NMNAT2: variants seen among roughly 807,000 people sequenced by gnomAD.
The protein encoded by NMNAT2 is nicotinamide/nicotinic acid mononucleotide adenylyltransferase 2.
Under a neutral mutation model 41.6 loss-of-function variants are expected in NMNAT2, and 11 were observed. The observed-to-expected ratio is 0.26, with a 90% CI of 0.17 to 0.44. NMNAT2 has a LOEUF of 0.44. NMNAT2 is among the 20% of genes least tolerant of loss of function. The probability of loss-of-function intolerance (pLI) is 1.00; values close to 1 mark genes in which losing one functional copy is unlikely to be tolerated. For synonymous variants in NMNAT2, 148 were observed against 151.2 expected, an observed-to-expected ratio of 0.98 and a Z score of 0.16; for missense variants, 288 against 407.7, an observed-to-expected ratio of 0.71 and a Z score of 2.53.
chr1:183,297,383 CTTTTTT>C (rs66514054), intron 1 of NMNAT2, among the ~76,000 whole-genome samples: 1 of 143,448 alleles, frequency 7.0e-6, no homozygotes. Context: ...GGAAGGAACC[CTTTTTT>C]TTTTTTTTTT....
chr1:183,307,681 G>A (rs113689136), intron 1 of NMNAT2, among the ~76,000 whole-genome samples: 1 of 152,212 alleles, frequency 6.6e-6, no homozygotes, highest in Admixed American at 6.5e-5. Context: ...GACCTCAGGT[G>A]ATCTGCCCAC....
chr1:183,276,226 T>C (rs1219699862), intron 8 of NMNAT2, among the ~76,000 whole-genome samples: 2 of 152,128 alleles, frequency 1.3e-5, no homozygotes, highest in Non-Finnish European at 2.9e-5. Context: ...ACTTGCCAAG[T>C]AGTCAAGTGG....
chr1:183,294,532 C>T (rs939146863), intron 1 of NMNAT2, among the ~76,000 whole-genome samples: 5 of 152,200 alleles, frequency 3.3e-5, no homozygotes, highest in African/African-American at 9.7e-5. Context: ...GTGGCTCACA[C>T]CTGTAATCCC....
At chr1:183,411,007 C>T (rs917421087) in intron 1 of NMNAT2, among the ~76,000 whole-genome samples, 1 of 152,090 alleles carries the variant, frequency 6.6e-6, no homozygotes, top group Admixed American at 6.6e-5. Flanking sequence ...TGTGAGCCAC[C>T]ACGCCCAGCC....
At chr1:183,281,376 A>G (rs1354531360) in intron 7 of NMNAT2, among the ~76,000 whole-genome samples, 2 of 152,154 alleles carry the variant, frequency 1.3e-5, no homozygotes, top group Non-Finnish European at 2.9e-5. Flanking sequence ...CCTACAATGC[A>G]CAGGGAAGCC....
chr1:183,292,198 T>G (rs1167777062), intron 3 of NMNAT2, among the ~76,000 whole-genome samples: 1 of 152,268 alleles, frequency 6.6e-6, no homozygotes, highest in African/African-American at 2.4e-5. Flanking sequence ...TAGTGGAAGC[T>G]TGCTTTAATT....
At chr1:183,332,086 A>C (rs1571603143) in intron 1 of NMNAT2, among the ~76,000 whole-genome samples, 1 of 152,292 alleles carries the variant, frequency 6.6e-6, no homozygotes, top group East Asian at 1.9e-4. Flanking sequence ...CCTGGCCTCC[A>C]TGTTGCACAC....
intron 1 of NMNAT2, among the ~76,000 whole-genome samples, chr1:183,318,232 G>A (rs975345946): frequency 1.3e-5 from 2 of 152,182 alleles, no homozygotes; most frequent in African/African-American, 4.8e-5. Flanking sequence ...CTGAGCCCTG[G>A]ATCCTAAGAC....
chr1:183,303,182 A>G (rs1219266259), intron 1 of NMNAT2, among the ~76,000 whole-genome samples: 1 of 152,170 alleles, frequency 6.6e-6, no homozygotes, highest in Non-Finnish European at 1.5e-5. Context: ...ACTGTCACCA[A>G]GGGAGTCTCA....
intron 1 of NMNAT2, among the ~76,000 whole-genome samples, chr1:183,357,283 T>C (rs1663215147): frequency 6.8e-6 from 1 of 147,694 alleles, no homozygotes; most frequent in African/African-American, 2.5e-5. Context: ...AGGCTGGAGT[T>C]CAGTGGCACG....
In NMNAT2 at chr1:183,249,789, A is replaced by C. The variant is rs1660327979; in HGVS notation, c.*2852T>G. On this transcript the variant is annotated 3_prime_UTR_variant, in exon 11 of 11. Transcript: ENST00000287713. ...GATGATTCTATCCAAAAGAAGATTC[A>C]CTTTCTTTTTATATTAAATAGGAAA... The C allele has an allele frequency of 6.6e-6, 1 of 150,804 alleles. No homozygotes were observed. The highest frequency in any genetic ancestry group is 1.5e-5 in the Non-Finnish European group (1 of 67,956). 9.3% of individuals were successfully genotyped at this position (150,804 alleles called of 1,614,324 possible).
Position 183,252,292 on chromosome 1 carries a change from C to T in NMNAT2, c.*349G>A, listed in dbSNP as rs199818890. On this transcript the variant is annotated 3_prime_UTR_variant, in exon 11 of 11. Coordinates refer to ENST00000287713, the MANE Select transcript of NMNAT2 (RefSeq NM_015039.4). ...CTCTAGAGCATGCTGGGAGGATGGG[C>T]ACCAGAGCCGCCTCCCCAGAGCGTG... 4 of 239,990 alleles carry T rather than the reference C, an allele frequency of 1.7e-5. No individual in the cohort carries two copies. The highest frequency in any genetic ancestry group is 3.2e-5 in the Non-Finnish European group (4 of 123,498). 14.9% of individuals were successfully genotyped at this position (239,990 alleles called of 1,614,324 possible).
chr1:183,331,826 C>T (rs1225987836), intron 1 of NMNAT2, among the ~76,000 whole-genome samples: 1 of 152,188 alleles, frequency 6.6e-6, no homozygotes, highest in African/African-American at 2.4e-5. Context: ...CTCACTCTGT[C>T]ACCCAGGCTG....
chr1:183,302,307 AC>A (rs1302034691), intron 1 of NMNAT2, among the ~76,000 whole-genome samples: 1 of 152,154 alleles, frequency 6.6e-6, no homozygotes, highest in Non-Finnish European at 1.5e-5. Context: ...ATAATAAGAT[AC>A]CAAAATGAAC....
chr1:183,324,232 GA>G (rs1662413169), intron 1 of NMNAT2, among the ~76,000 whole-genome samples: 1 of 152,190 alleles, frequency 6.6e-6, no homozygotes, highest in Non-Finnish European at 1.5e-5. Context: ...AAGCCCCTTG[GA>G]ATTTTGAGCA....
At chr1:183,363,629 C>T (rs1029571901) in intron 1 of NMNAT2, among the ~76,000 whole-genome samples, 1 of 151,792 alleles carries the variant, frequency 6.6e-6, no homozygotes. Flanking sequence ...AGCATAAGAT[C>T]ATTTGGATAA....
chr1:183,321,000 T>C (rs1299323477), intron 1 of NMNAT2, among the ~76,000 whole-genome samples: 1 of 152,242 alleles, frequency 6.6e-6, no homozygotes, highest in Non-Finnish European at 1.5e-5. Context: ...TTTAAAGTTA[T>C]GTGGCTTGGG....
intron 1 of NMNAT2, among the ~76,000 whole-genome samples, chr1:183,388,113 A>C (rs775733158): frequency 1.3e-5 from 2 of 152,256 alleles, no homozygotes; most frequent in Non-Finnish European, 2.9e-5. Context: ...TAAAGAAACT[A>C]CAGCCCAGGA....
chr1:183,313,510 C>G (rs190653452), intron 1 of NMNAT2, among the ~76,000 whole-genome samples: 1 of 152,086 alleles, frequency 6.6e-6, no homozygotes, highest in South Asian at 2.1e-4. Context: ...GATGGAGTCT[C>G]GCTCTTTTGC....
Sources: gnomAD v4.1 joint callset for allele counts (sites outside exome capture counted in the v4.1 genomes callset) on GRCh38, gnomAD v4.1.1 for gene constraint, MANE v1.5 for transcripts, NCBI Gene and HGNC (gene_info 2026-07-23, HGNC 2026-07-21) for gene names.